The following TLE3 variants were observed in gnomAD, a reference collection of about 807,000 sequenced individuals.
TLE3 encodes transducin-like enhancer protein 3.
TLE3 carries 14 observed loss-of-function variants against 93.0 expected under a neutral mutation model. That is an observed-to-expected ratio of 0.15 (90% confidence interval 0.10 to 0.24). The LOEUF (loss-of-function observed/expected upper bound fraction) is 0.24, where lower values mean the gene tolerates loss of function less well. Ranked by LOEUF, TLE3 falls within the 10% of genes least tolerant of loss-of-function variation. The probability of loss-of-function intolerance (pLI) is 1.00; values close to 1 mark genes in which losing one functional copy is unlikely to be tolerated. For missense variants in TLE3, 693 were observed against 1,046.6 expected, an observed-to-expected ratio of 0.66 and a Z score of 4.66; for synonymous variants, 451 against 425.0, an observed-to-expected ratio of 1.06 and a Z score of -0.75.
intron 16 of TLE3, 81 bp from the exon 17 acceptor site, chr15:70,053,455 G>C: frequency 6.7e-7 from 1 of 1,487,200 alleles, no homozygotes; most frequent in Non-Finnish European, 9.1e-7. Context: ...GGCAGTCTGA[G>C]CAGAAGAGAA....
chr15:70,060,824 A>G (rs1308174266), intron 8 of TLE3, 175 bp from the exon 9 acceptor site: 2 of 1,090,894 alleles, frequency 1.8e-6, no homozygotes, highest in Admixed American at 4.1e-5. Flanking sequence ...AGCCTTCCCC[A>G]CTCCCCTGAG....
chr15:70,058,223 T>C lies in TLE3; in HGVS notation c.987A>G (p.Pro329=), dbSNP rs1212049283. Residue 329 remains proline (P), a synonymous_variant, in exon 12 of 20, where the codon CCA becomes CCG. Transcript: ENST00000451782. This position sits in a 1 kb window ranked among gnomAD's most constrained non-coding sequence, Gnocchi z 4.1. The stretch of plus-strand genomic sequence containing the variant: ...TGAGCCCTGGGGTCGTGCTGGTGCC[T>C]GGAGTTGGGGCGTCGTTCCTTGGGG... ...TPTPRNDAPT[P]GTSTTPGLRS... 6.2e-7 allele frequency: 1 copy of C among 1,613,630 alleles called. No individual in the cohort carries two copies. Among genetic ancestry groups the C allele is most frequent in the East Asian group, 2.2e-5 (1 of 44,870 alleles).
At chr15:70,050,638 T>A (rs894844101) in intron 19 of TLE3, 1 of 162,468 alleles carries the variant, frequency 6.2e-6, no homozygotes, top group Non-Finnish European at 1.4e-5. Flanking sequence ...GTTTGAAGCA[T>A]GTGCTGTAAC....
chr15:70,074,575 G>A lies in TLE3; in HGVS notation c.330C>T (p.Arg110=), dbSNP rs376875838. 1.6e-5 allele frequency: 25 copies of A among 1,612,224 alleles called. No homozygotes were observed. Among genetic ancestry groups the A allele is most frequent in the African/African-American group, 8.0e-5 (6 of 75,022 alleles). Residue 110 remains arginine, a synonymous_variant, in exon 6 of 20, where the codon CGC becomes CGT. Coordinates refer to ENST00000451782, the MANE Select transcript of TLE3 (RefSeq NM_001105192.3). ...HQQQVAQAVE[R]AKQVTMTELN... The stretch of plus-strand genomic sequence containing the variant: ...GCTCCGTCATGGTGACCTGCTTGGC[G>A]CGCTCCACTGCCTGCGCCACCTGCT...
At chr15:70,094,062 C>T (rs1054851288) in intron 4 of TLE3, among the ~76,000 whole-genome samples, 9 of 151,670 alleles carry the variant, frequency 5.9e-5, no homozygotes, top group Non-Finnish European at 1.3e-4. Context: ...CCTTAAATTT[C>T]GACAGCTCAG....
intron 3 of TLE3, 28 bp downstream of exon 3, chr15:70,095,550 G>GC: frequency 1.9e-6 from 3 of 1,547,948 alleles, no homozygotes; most frequent in Non-Finnish European, 1.7e-6. Context: ...CGCCCCAACC[G>GC]CCCCCCAGGC....
In TLE3 at chr15:70,057,538, T is replaced by C. The variant is rs770706107; in HGVS notation, c.1172A>G (p.Asn391Ser). 1.2e-6 allele frequency: 2 copies of C among 1,606,778 alleles called. No homozygotes were observed. The highest frequency in any genetic ancestry group is 2.2e-5 in the South Asian group (2 of 89,808). Residue 391 changes from asparagine to serine, a missense_variant, in exon 13 of 20, where the codon AAC (asparagine) becomes AGC (serine). Transcript: ENST00000451782. ...GGCGGCGCTCATCTGGGGTGGGATG[T>C]TGTGGAGGCCGGCGTAGGCGCCAGG... ...TSPGAYAGLH[N>S]IPPQMSAAAA...
intron 9 of TLE3, among the ~76,000 whole-genome samples, chr15:70,060,207 C>T (rs2056375186): frequency 6.6e-6 from 1 of 152,178 alleles, no homozygotes; most frequent in South Asian, 2.1e-4. Context: ...GGGAGCAGCC[C>T]CTTAGAGCCA....
rs185652346 is a variant in TLE3, at chr15:70,096,596, C to G, written c.24+179G>C. 1,048 of 1,534,212 alleles carry G rather than the reference C, an allele frequency of 6.8e-4. 4 individuals carry two copies. In the African/African-American group the frequency reaches 0.013, roughly 19 times the overall value. The stretch of plus-strand genomic sequence containing the variant: ...CACAAGCAGCCCCCCGCGCCACTCG[C>G]GCGGAATTAACCTCCTCTCTCAACG... On this transcript the variant is annotated intron_variant, in intron 1 of 19. Coordinates refer to ENST00000451782, the MANE Select transcript of TLE3 (RefSeq NM_001105192.3).
chr15:70,068,211 G>T (rs1293458533), intron 6 of TLE3, among the ~76,000 whole-genome samples: 1 of 152,070 alleles, frequency 6.6e-6, no homozygotes, highest in Non-Finnish European at 1.5e-5. Flanking sequence ...CCTACCCTCG[G>T]AAGATTCTAC....
At chr15:70,055,472 T>C (rs1309516560) in intron 14 of TLE3, 174 bp from the exon 15 acceptor site, 7 of 772,352 alleles carry the variant, frequency 9.1e-6, no homozygotes, top group Non-Finnish European at 1.3e-5. Context: ...TCCATCGAGG[T>C]AGACATGATT....
At chr15:70,081,540 G>A (rs532679252) in intron 4 of TLE3, among the ~76,000 whole-genome samples, 1 of 152,352 alleles carries the variant, frequency 6.6e-6, no homozygotes, top group Admixed American at 6.5e-5. Flanking sequence ...AGCCCCTACT[G>A]TGCAGTTTCT....
At chr15:70,060,466 C>T in intron 9 of TLE3, 64 bp downstream of exon 9, 2 of 1,600,748 alleles carry the variant, frequency 1.2e-6, no homozygotes, top group South Asian at 1.1e-5. Flanking sequence ...CAGCTTGGGC[C>T]CTGCAGACAC....
At position 70,096,064 on chromosome 15, in the gene TLE3, G is replaced by C. The variant is rs572621231; in HGVS notation, c.125+97C>G. The C allele has an allele frequency of 2.2e-6, 3 of 1,393,150 alleles. No individual in the cohort carries two copies. The African/African-American group carries it at 4.4e-5, about 20-fold the overall frequency. The allele number at this position is 1,393,150 out of a possible 1,614,324, so 86.3% of individuals were successfully genotyped here. A position where few individuals can be genotyped will look rare whatever the true frequency, so the allele number is the denominator to read the frequency against. ...GGCCCGGGCTGCCCCGCCGCCCCTA[G>C]GTCGGGAGCCCCCTCCGTCCCCGCG... is the stretch of plus-strand genomic sequence containing the variant. On this transcript the variant is annotated intron_variant, in intron 2 of 19. Transcript: ENST00000451782.
intron 8 of TLE3, among the ~76,000 whole-genome samples, chr15:70,062,365 C>T (rs956531776): frequency 1.3e-5 from 2 of 152,206 alleles, no homozygotes; most frequent in Admixed American, 1.3e-4. Flanking sequence ...ACTGGCTGCC[C>T]CTTGCAGGCG....
chr15:70,065,192 T>G (rs576075753), intron 7 of TLE3, among the ~76,000 whole-genome samples: 1 of 152,354 alleles, frequency 6.6e-6, no homozygotes, highest in South Asian at 2.1e-4. Context: ...AGGTCCCTAG[T>G]GCTCAGAAGG....
chr15:70,055,551 G>T, intron 14 of TLE3: 2 of 410,140 alleles, frequency 4.9e-6, no homozygotes, highest in South Asian at 9.3e-5. Flanking sequence ...AAACCCACAG[G>T]TGTCCTGGAA....
chr15:70,087,945 A>G (rs776998543), intron 4 of TLE3, among the ~76,000 whole-genome samples: 31 of 152,196 alleles, frequency 2.0e-4, no homozygotes, highest in Non-Finnish European at 1.5e-5. Context: ...ACCTGTACTT[A>G]AGAATACAAG....
chr15:70,096,088 CGGGGGATG>C, intron 2 of TLE3, 65 bp downstream of exon 2: 1 of 1,474,726 alleles, frequency 6.8e-7, no homozygotes, highest in Non-Finnish European at 9.1e-7. Context: ...TCCGTCCCCG[CGGGGGATG>C]GCAGGAGCCG....
Sources: allele counts gnomAD v4.1 joint callset (sites outside exome capture counted in the v4.1 genomes callset), GRCh38; gene constraint gnomAD v4.1.1; non-coding constraint Gnocchi (gnomAD v3.1); transcripts MANE v1.5; gene names NCBI Gene and HGNC (gene_info 2026-07-23, HGNC 2026-07-21).